WNK1: variants seen among roughly 807,000 people sequenced by gnomAD.
The protein encoded by WNK1 is serine/threonine-protein kinase WNK1.
Under a neutral mutation model 222.8 loss-of-function variants are expected in WNK1, and 38 were observed. That is an observed-to-expected ratio of 0.17 (90% CI 0.13 to 0.22). The LOEUF is 0.22. Among genes scored for constraint, WNK1 ranks in the 10% least tolerant of loss-of-function variants. WNK1 has a pLI of 1.00. For synonymous variants in WNK1, 1,090 were observed against 1,092.9 expected (o/e 1.00, Z 0.05); for missense variants, 2,348 against 2,918.4 (o/e 0.80, Z 4.50).
At chr12:771,715 A>G (rs928581957) in intron 1 of WNK1, among the ~76,000 whole-genome samples, 2 of 152,108 alleles carry the variant, frequency 1.3e-5, no homozygotes, top group African/African-American at 2.4e-5. Context: ...GATTACAGGC[A>G]TGAGCCTCTG....
intron 4 of WNK1, among the ~76,000 whole-genome samples, chr12:839,934 GC>G (rs1949491764): frequency 6.8e-6 from 1 of 147,946 alleles, no homozygotes; most frequent in South Asian, 2.1e-4. Context: ...CACCATGTTG[GC>G]CATGCTGCTC....
intron 9 of WNK1, among the ~76,000 whole-genome samples, chr12:872,516 TC>T (rs1285467477): frequency 6.6e-6 from 1 of 152,194 alleles, no homozygotes; most frequent in Non-Finnish European, 1.5e-5. Context: ...TCCTGATACA[TC>T]CAACAGTAAA....
chr12:889,068 A>C, intron 20 of WNK1, 72 bp from the exon 21 acceptor site: 1 of 1,129,668 alleles, frequency 8.9e-7, no homozygotes, highest in South Asian at 1.2e-5. Context: ...AGTGTGTCCT[A>C]TCTAAATTGG....
chr12:858,837 G>T (rs1950980615), intron 5 of WNK1, among the ~76,000 whole-genome samples: 1 of 152,076 alleles, frequency 6.6e-6, no homozygotes, highest in African/African-American at 2.4e-5. Context: ...CTTATAAAAT[G>T]CTATATAAAT....
At chr12:759,096 C>G (rs1399596563) in intron 1 of WNK1, among the ~76,000 whole-genome samples, 1 of 146,948 alleles carries the variant, frequency 6.8e-6, no homozygotes, top group Admixed American at 6.7e-5. Context: ...ACTGGGCTCT[C>G]ATTTTCAGAA....
At chr12:778,048 C>T (rs1943299181) in intron 1 of WNK1, among the ~76,000 whole-genome samples, 1 of 152,180 alleles carries the variant, frequency 6.6e-6, no homozygotes, top group Non-Finnish European at 1.5e-5. Flanking sequence ...GTCCTGGTTA[C>T]TTAAATGATT....
intron 1 of WNK1, among the ~76,000 whole-genome samples, chr12:784,560 A>G (rs2153972188): frequency 6.6e-6 from 1 of 152,362 alleles, no homozygotes; most frequent in South Asian, 2.1e-4. Flanking sequence ...TAAAATGTAC[A>G]TATTTAAAAG....
chr12:805,041 G>A (rs1235192579), intron 1 of WNK1, among the ~76,000 whole-genome samples: 1 of 150,290 alleles, frequency 6.7e-6, no homozygotes, highest in Non-Finnish European at 1.5e-5. Flanking sequence ...TGGACACTTG[G>A]GTCATTGTAC....
At chr12:862,325 G>A in intron 8 of WNK1, 55 bp downstream of exon 8, 1 of 1,582,082 alleles carries the variant, frequency 6.3e-7, no homozygotes, top group African/African-American at 1.3e-5. Context: ...TGGATAGTCT[G>A]CTAAATTAAA....
intron 1 of WNK1, among the ~76,000 whole-genome samples, chr12:808,729 A>G (rs201083229): frequency 1.3e-5 from 2 of 148,548 alleles, no homozygotes; most frequent in East Asian, 2.0e-4. Flanking sequence ...ATGCATTCGT[A>G]TACATCTGGC....
chr12:758,966 T>A (rs980140153), intron 1 of WNK1, among the ~76,000 whole-genome samples: 1 of 146,928 alleles, frequency 6.8e-6, no homozygotes, highest in Non-Finnish European at 1.5e-5. Flanking sequence ...AGCCTAGTCA[T>A]TTAAAATTTA....
In WNK1 at chr12:764,387, G is replaced by C. The variant is rs963066363; in HGVS notation, c.759+10063G>C. Among the ~76,000 whole-genome samples the C allele has an allele frequency of 5.4e-5, 8 of 146,796 alleles. 1 individual carries two copies. Among genetic ancestry groups the C allele is most frequent in the Non-Finnish European group, 1.1e-4 (7 of 65,752 alleles). On this transcript the variant is annotated intron_variant, in intron 1 of 27. Transcript: ENST00000315939. ...ACGGTGGCTCACGCCTGTAATCCCA[G>C]CACTTTGGGAGGCTGAAGTGGGCGG...
intron 23 of WNK1, among the ~76,000 whole-genome samples, chr12:894,945 C>T (rs1483830868): frequency 9.2e-5 from 14 of 152,126 alleles, no homozygotes; most frequent in Admixed American, 9.2e-4. Flanking sequence ...AAATTAACTA[C>T]CATTTCTCCT....
chr12:864,649 C>T (rs1951487376), intron 8 of WNK1, among the ~76,000 whole-genome samples: 1 of 152,110 alleles, frequency 6.6e-6, no homozygotes, highest in Non-Finnish European at 1.5e-5. Context: ...TCTGAGGTTT[C>T]CAGAGCTCTT....
chr12:906,420 C>T, intron 26 of WNK1: 4 of 985,344 alleles, frequency 4.1e-6, no homozygotes, highest in Non-Finnish European at 4.8e-6. Context: ...GCTTCCTCCT[C>T]CCCTTTGCAC....
At chr12:768,487 A>C (rs577045127) in intron 1 of WNK1, among the ~76,000 whole-genome samples, 42 of 152,234 alleles carry the variant, frequency 2.8e-4, no homozygotes, top group African/African-American at 9.4e-4. Context: ...TTTCATGGAC[A>C]TAAGTGGGGA....
At position 911,396 on chromosome 12, in the gene WNK1, A is replaced by G. The variant is rs1409321996; in HGVS notation, c.*2604A>G. The G allele has an allele frequency of 1.8e-5, 7 of 398,436 alleles. No homozygotes were observed. The Admixed American group carries it at 1.8e-4, about 10-fold the overall frequency. 24.7% of individuals were successfully genotyped at this position (398,436 alleles called of 1,614,324 possible). ...ATTGCGCTTTGTGCTTCAGTTTGTT[A>G]CCTTTGTAGACTTATTTAATGAAAC... On this transcript the variant is annotated 3_prime_UTR_variant, in exon 28 of 28. Coordinates refer to ENST00000315939, the MANE Select transcript of WNK1 (RefSeq NM_018979.4).
At position 880,825 on chromosome 12, in the gene WNK1, C is replaced by G; in HGVS notation, c.2937C>G (p.Pro979=). 2 of 1,614,074 alleles carry G rather than the reference C, an allele frequency of 1.2e-6. No homozygotes were observed. Among genetic ancestry groups the G allele is most frequent in the Non-Finnish European group, 1.7e-6 (2 of 1,180,006 alleles). The part of the protein sequence containing the change: ...VCIHSTVLSP[P]MPTEVLATPG... ...TCCATTCTACAGTCCTATCCCCTCC[C>G]ATGCCGACAGAAGTACTGGCTACAC... Residue 979 remains proline, a synonymous_variant, in exon 12 of 28, where the codon CCC becomes CCG. Transcript: ENST00000315939.
Position 827,029 on chromosome 12 carries a change from T to G in WNK1, c.933-13T>G, listed in dbSNP as rs1948414957. On this transcript the variant is annotated splice_polypyrimidine_tract_variant and intron_variant, in intron 2 of 27. Transcript: ENST00000315939. This position sits in a 1 kb window ranked among gnomAD's most constrained non-coding sequence, Gnocchi z 4.6. ...TCATTGATAACTTGTTTGGTATACT[T>G]TGCTTTTTCTAGGTATCTGAAAAGG... 6.2e-7 allele frequency: 1 copy of G among 1,609,648 alleles called. No homozygotes were observed. The highest frequency in any genetic ancestry group is 1.3e-5 in the African/African-American group (1 of 74,918).
Sources: allele counts gnomAD v4.1 joint callset (sites outside exome capture counted in the v4.1 genomes callset), GRCh38; gene constraint gnomAD v4.1.1; non-coding constraint Gnocchi (gnomAD v3.1); transcripts MANE v1.5; gene names NCBI Gene and HGNC (gene_info 2026-07-23, HGNC 2026-07-21).